PSD3: variants seen among roughly 807,000 people sequenced by gnomAD.
PSD3 encodes PH and SEC7 domain-containing protein 3.
A neutral mutation model predicts 105.5 loss-of-function variants in PSD3; 49 were observed. The observed-to-expected ratio is 0.46, with a 90% confidence interval of 0.37 to 0.59. The LOEUF (loss-of-function observed/expected upper bound fraction) is 0.59, where lower values mean the gene tolerates loss of function less well. Ranked by LOEUF, PSD3 falls within the 20% of genes least tolerant of loss-of-function variation. The pLI is 0.00. For synonymous variants in PSD3, 557 were observed against 457.8 expected (o/e 1.22, Z -2.77); for missense variants, 1,561 against 1,263.8 (o/e 1.24, Z -3.57).
At chr8:19,059,173 C>G (rs1828806434) in intron 1 of PSD3, among the ~76,000 whole-genome samples, 1 of 152,210 alleles carries the variant, frequency 6.6e-6, no homozygotes, top group African/African-American at 2.4e-5. Flanking sequence ...ATCGGAAAGT[C>G]TCTCATCCAA....
At chr8:18,789,759 A>C (rs1347253804) in intron 8 of PSD3, among the ~76,000 whole-genome samples, 1 of 152,226 alleles carries the variant, frequency 6.6e-6, no homozygotes, top group African/African-American at 2.4e-5. Context: ...ACAGGATTGG[A>C]AACAAGAGTC....
intron 2 of PSD3, among the ~76,000 whole-genome samples, chr8:18,912,482 A>T (rs1015665214): frequency 2.3e-4 from 35 of 152,208 alleles, no homozygotes; most frequent in Admixed American, 5.9e-4. Flanking sequence ...GAAGGAAAAA[A>T]ATATATATAT....
intron 1 of PSD3, among the ~76,000 whole-genome samples, chr8:19,042,295 A>T (rs2129476748): frequency 6.6e-6 from 1 of 152,272 alleles, no homozygotes; most frequent in South Asian, 2.1e-4. Context: ...ACATTCTGCA[A>T]AATTGTTTCC....
chr8:18,604,022 G>C (rs1024622544), intron 11 of PSD3, among the ~76,000 whole-genome samples: 6 of 152,098 alleles, frequency 3.9e-5, no homozygotes, highest in African/African-American at 1.4e-4. Flanking sequence ...ACAGAAAATT[G>C]GTACTGTCAA....
intron 9 of PSD3, among the ~76,000 whole-genome samples, chr8:18,705,971 T>C (rs781496263): frequency 2.0e-4 from 30 of 152,336 alleles, no homozygotes; most frequent in African/African-American, 5.3e-4. Flanking sequence ...TCCTACTCCA[T>C]TGATGTTGAC....
intron 1 of PSD3, among the ~76,000 whole-genome samples, chr8:18,976,809 C>T (rs1432918624): frequency 1.3e-5 from 2 of 152,094 alleles, no homozygotes; most frequent in Non-Finnish European, 2.9e-5. Context: ...ACAATATTGC[C>T]GCATTGCTTG....
chr8:18,533,972 G>A lies in PSD3; in HGVS notation c.*1771C>T, dbSNP rs911469101. 2 of 151,846 alleles carry A rather than the reference G, an allele frequency of 1.3e-5. No homozygotes were observed. The highest frequency in any genetic ancestry group is 4.8e-5 in the African/African-American group (2 of 41,306). The allele number at this position is 151,846 out of a possible 1,614,324, so 9.4% of individuals were successfully genotyped here. A position where few individuals can be genotyped will look rare whatever the true frequency, so the allele number is the denominator to read the frequency against. On this transcript the variant is annotated 3_prime_UTR_variant, in exon 16 of 16. Coordinates refer to ENST00000327040, the MANE Select transcript of PSD3 (RefSeq NM_015310.4). ...AATACTTATTACAAAGAAAGCAACTGCAACCCTAGAGAGGGGTAAGCCTTC... is the reference window on the plus strand; with the variant it reads ...AATACTTATTACAAAGAAAGCAACTACAACCCTAGAGAGGGGTAAGCCTTC...
intron 9 of PSD3, among the ~76,000 whole-genome samples, chr8:18,719,328 T>C (rs1254662571): frequency 1.3e-5 from 2 of 152,224 alleles, no homozygotes; most frequent in Non-Finnish European, 2.9e-5. Context: ...ACTGAGTTTA[T>C]GGCTTGTACA....
At chr8:18,574,564 C>T (rs1279818804) in intron 13 of PSD3, among the ~76,000 whole-genome samples, 1 of 152,170 alleles carries the variant, frequency 6.6e-6, no homozygotes, top group Non-Finnish European at 1.5e-5. Context: ...AGTAGAATGA[C>T]ATCTTTTCCT....
chr8:18,870,059 C>T (rs1004810427), intron 3 of PSD3, among the ~76,000 whole-genome samples: 6 of 152,032 alleles, frequency 3.9e-5, no homozygotes, highest in Non-Finnish European at 5.9e-5. Flanking sequence ...ATATCAAGGC[C>T]GCTTTGGAGG....
intron 1 of PSD3, among the ~76,000 whole-genome samples, chr8:18,947,788 T>C (rs1458524945): frequency 1.3e-5 from 2 of 152,210 alleles, no homozygotes; most frequent in East Asian, 3.8e-4. Context: ...GAATTCATAA[T>C]ACCCGAGGGC....
chr8:19,055,562 A>G (rs998879424), intron 1 of PSD3, among the ~76,000 whole-genome samples: 3 of 152,084 alleles, frequency 2.0e-5, no homozygotes. Flanking sequence ...CGATTTGTAG[A>G]CTTTTTTTTC....
At chr8:18,717,115 A>T (rs376126660) in intron 9 of PSD3, among the ~76,000 whole-genome samples, 14 of 152,366 alleles carry the variant, frequency 9.2e-5, no homozygotes, top group African/African-American at 3.4e-4. Context: ...ACCTATTTTA[A>T]ACAGTCTTAA....
intron 4 of PSD3, among the ~76,000 whole-genome samples, chr8:18,819,973 G>C (rs1338791347): frequency 2.0e-5 from 3 of 152,164 alleles, no homozygotes; most frequent in African/African-American, 7.2e-5. Context: ...TATACTGTTG[G>C]TTTAATCTTG....
chr8:18,955,836 T>G (rs1823537118), intron 1 of PSD3, among the ~76,000 whole-genome samples: 1 of 152,156 alleles, frequency 6.6e-6, no homozygotes, highest in Non-Finnish European at 1.5e-5. Flanking sequence ...TGGTGCGAAC[T>G]TGGCTCACTT....
rs982692322 is a variant in PSD3 at position 19,077,934 on chromosome 8, C to T, written c.324+6272G>A. 9.9e-5 allele frequency among the ~76,000 whole-genome samples: 15 copies of T among 152,202 alleles called. No individual in the cohort carries two copies. In the East Asian group the frequency reaches 2.3e-3, roughly 24 times the overall value. ...AATGTAAAGTTGAAGAGACCACATG[C>T]GGAATCCATGATAGTCATTTGATTA... On this transcript the variant is annotated intron_variant, in intron 1 of 1. Transcript: ENST00000521475.
intron 2 of PSD3, among the ~76,000 whole-genome samples, chr8:18,900,583 A>T (rs1420730324): frequency 6.6e-6 from 1 of 151,582 alleles, no homozygotes; most frequent in East Asian, 1.9e-4. Context: ...CGGTGTTATT[A>T]AGGTTTATAG....
intron 9 of PSD3, among the ~76,000 whole-genome samples, chr8:18,729,871 T>A (rs1241839929): frequency 1.2e-4 from 18 of 152,204 alleles, no homozygotes; most frequent in Admixed American, 1.2e-3. Context: ...TCAATTTCTC[T>A]TACCAACGTT....
chr8:18,898,844 G>T (rs1183612817), intron 2 of PSD3, among the ~76,000 whole-genome samples: 1 of 152,136 alleles, frequency 6.6e-6, no homozygotes, highest in African/African-American at 2.4e-5. Flanking sequence ...TCATCTCAAG[G>T]ATGGGAGAGG....
Sources: allele counts gnomAD v4.1 joint callset (sites outside exome capture counted in the v4.1 genomes callset), GRCh38; gene constraint gnomAD v4.1.1; transcripts MANE v1.5; gene names NCBI Gene and HGNC (gene_info 2026-07-23, HGNC 2026-07-21).